Variants in ATRNL1 observed in about 807,000 individuals in gnomAD.
ATRNL1 encodes attractin like 1, also known as attractin-like protein 1.
ATRNL1 carries 95 observed loss-of-function variants against 182.7 expected under a neutral mutation model. The observed-to-expected ratio is 0.52, with a 90% CI of 0.44 to 0.62. The LOEUF (loss-of-function observed/expected upper bound fraction) is 0.62. Ranked by LOEUF, ATRNL1 falls within the 20% of genes least tolerant of loss-of-function variation. ATRNL1 has a pLI of 0.00. For missense variants in ATRNL1, 1,471 were observed against 1,679.5 expected (o/e 0.88, Z 2.17); for synonymous variants, 576 against 568.3 (o/e 1.01, Z -0.19).
intron 19 of ATRNL1, among the ~76,000 whole-genome samples, chr10:115,371,438 C>G (rs1857389980): frequency 6.6e-6 from 1 of 152,212 alleles, no homozygotes; most frequent in Non-Finnish European, 1.5e-5. Flanking sequence ...CAGAGCTGCT[C>G]AAGACCATGG....
chr10:115,358,987 C>A (rs1554943562), intron 19 of ATRNL1, among the ~76,000 whole-genome samples: 1 of 151,634 alleles, frequency 6.6e-6, no homozygotes, highest in African/African-American at 2.4e-5. Context: ...AACCACTCCT[C>A]CCTATAAACC....
intron 6 of ATRNL1, 55 bp from the exon 7 acceptor site, chr10:115,165,502 TA>T: frequency 3.7e-6 from 4 of 1,093,544 alleles, no homozygotes; most frequent in East Asian, 2.6e-5. Context: ...ACGTGAAAAT[TA>T]AAAAAACAAA....
chr10:115,368,235 T>C (rs1857173934), intron 19 of ATRNL1, among the ~76,000 whole-genome samples: 7 of 152,034 alleles, frequency 4.6e-5, no homozygotes, highest in Admixed American at 4.6e-4. Flanking sequence ...CGGTGCGCCG[T>C]TTTTTAAGCC....
chr10:115,370,050 A>T (rs529358225), intron 19 of ATRNL1, among the ~76,000 whole-genome samples: 6 of 152,182 alleles, frequency 3.9e-5, no homozygotes, highest in Non-Finnish European at 8.8e-5. Context: ...AAGTCTCCCA[A>T]GATCTGATGG....
chr10:115,179,218 C>CA (rs1176557148), intron 8 of ATRNL1, among the ~76,000 whole-genome samples: 3 of 152,096 alleles, frequency 2.0e-5, no homozygotes, highest in African/African-American at 7.2e-5. Context: ...TTTGTCTCTC[C>CA]ACATCTACCT....
In ATRNL1 at chr10:115,652,781, A is replaced by C. The variant is rs151107822; in HGVS notation, c.3796-74467A>C. Among the ~76,000 whole-genome samples the C allele has an allele frequency of 6.8e-4, 103 of 152,212 alleles. 2 individuals carry two copies. Among genetic ancestry groups the C allele is most frequent in the Admixed American group, 2.2e-3 (33 of 15,284 alleles). ...TTAGACAAGAGAACATTTGCTGTTT[A>C]TTTAAATTTTACTTGGATAAAAAGA... On this transcript the variant is annotated intron_variant, in intron 26 of 28. Transcript: ENST00000355044.
chr10:115,621,274 T>G (rs868924221), intron 26 of ATRNL1, among the ~76,000 whole-genome samples: 524 of 48,126 alleles, frequency 0.011, 4 homozygotes, highest in African/African-American at 0.018. Context: ...TATATATATA[T>G]ATAGAGAGAG....
intron 8 of ATRNL1, among the ~76,000 whole-genome samples, chr10:115,184,265 C>T (rs1431550396): frequency 2.6e-5 from 4 of 151,364 alleles, no homozygotes; most frequent in African/African-American, 9.7e-5. Flanking sequence ...ATCCCAAAGC[C>T]AGCATCTTAT....
Position 115,816,387 on chromosome 10 carries a change from T to G in ATRNL1, c.3904-31490T>G, listed in dbSNP as rs186812823. 2.2e-4 allele frequency among the ~76,000 whole-genome samples: 34 copies of G among 152,292 alleles called. 2 individuals carry two copies. The East Asian group carries it at 3.7e-3, about 16-fold the overall frequency. ...GATATTGTATAAGTCGTTCATTCAT[T>G]AATTCAACAAATACATAGTGAGAAG... On this transcript the variant is annotated intron_variant, in intron 27 of 28. Coordinates refer to ENST00000355044, the MANE Select transcript of ATRNL1 (RefSeq NM_207303.4).
chr10:115,924,098 TG>T (rs1555119350), intron 28 of ATRNL1, among the ~76,000 whole-genome samples: 2 of 152,210 alleles, frequency 1.3e-5, no homozygotes, highest in Admixed American at 1.3e-4. Context: ...TTTATGGGGT[TG>T]TTTTTTTCTT....
chr10:115,254,480 G>A (rs1200669425), intron 10 of ATRNL1, among the ~76,000 whole-genome samples: 1 of 152,124 alleles, frequency 6.6e-6, no homozygotes, highest in South Asian at 2.1e-4. Context: ...TTTTGATGGG[G>A]TTGTTTGTTT....
intron 26 of ATRNL1, among the ~76,000 whole-genome samples, chr10:115,555,139 G>A (rs1853237345): frequency 6.6e-6 from 1 of 151,708 alleles, no homozygotes; most frequent in Non-Finnish European, 1.5e-5. Context: ...CAACACAAAT[G>A]CTCACCCTGG....
At chr10:115,861,038 A>G (rs1475992678) in intron 28 of ATRNL1, among the ~76,000 whole-genome samples, 2 of 152,186 alleles carry the variant, frequency 1.3e-5, no homozygotes, top group East Asian at 3.9e-4. Flanking sequence ...GATTCAAGAG[A>G]CATGAAATAC....
chr10:115,132,796 A>C (rs1227217250), intron 5 of ATRNL1, among the ~76,000 whole-genome samples: 3 of 151,910 alleles, frequency 2.0e-5, no homozygotes, highest in East Asian at 1.9e-4. Context: ...TTTTCCTGTA[A>C]ATTTGTTGGA....
intron 28 of ATRNL1, among the ~76,000 whole-genome samples, chr10:115,902,983 A>G (rs1388749732): frequency 6.6e-6 from 1 of 152,182 alleles, no homozygotes; most frequent in African/African-American, 2.4e-5. Flanking sequence ...CCAGAAATCT[A>G]TCAAAATCTG....
At chr10:115,859,307 G>T (rs565015524) in intron 28 of ATRNL1, among the ~76,000 whole-genome samples, 6 of 152,170 alleles carry the variant, frequency 3.9e-5, no homozygotes, top group African/African-American at 1.4e-4. Flanking sequence ...GAACCAAGGT[G>T]TCTGGATCTC....
intron 28 of ATRNL1, among the ~76,000 whole-genome samples, chr10:115,910,243 A>T (rs2134519775): frequency 6.6e-6 from 1 of 152,332 alleles, no homozygotes; most frequent in African/African-American, 2.4e-5. Flanking sequence ...GGCTGCTGCT[A>T]CCACATTCTC....
intron 27 of ATRNL1, among the ~76,000 whole-genome samples, chr10:115,762,997 G>T (rs1211227495): frequency 6.6e-6 from 1 of 152,064 alleles, no homozygotes; most frequent in Non-Finnish European, 1.5e-5. Context: ...TATGGCATTT[G>T]TATAATATTT....
intron 24 of ATRNL1, among the ~76,000 whole-genome samples, chr10:115,500,920 C>CTTTTTT (rs71010023): frequency 3.7e-4 from 20 of 54,462 alleles, no homozygotes; most frequent in East Asian, 9.5e-4. Context: ...TCAGGTAAGA[C>CTTTTTT]TTTTTTTTTT....
Sources: gnomAD v4.1 joint callset for allele counts (sites outside exome capture counted in the v4.1 genomes callset) on GRCh38, gnomAD v4.1.1 for gene constraint, MANE v1.5 for transcripts, NCBI Gene and HGNC (gene_info 2026-07-23, HGNC 2026-07-21) for gene names.